The following SCNN1D variants were observed in gnomAD, a reference collection of about 807,000 sequenced individuals.
The protein encoded by SCNN1D is epithelial sodium channel subunit delta.
Under a neutral mutation model 87.8 loss-of-function variants are expected in SCNN1D, and 104 were observed. That is an observed-to-expected ratio of 1.18 (90% CI 1.01 to 1.39). The LOEUF (loss-of-function observed/expected upper bound fraction) is 1.39, where lower values mean the gene tolerates loss of function less well. Ranked by LOEUF, SCNN1D falls within the 40% of genes most tolerant of loss-of-function variation. The pLI is 0.00. For synonymous variants in SCNN1D, 628 were observed against 481.2 expected, an observed-to-expected ratio of 1.31 and a Z score of -3.99; for missense variants, 1,324 against 1,093.9, an observed-to-expected ratio of 1.21 and a Z score of -2.97.
rs751944031 is a variant in SCNN1D at position 1,286,936 on chromosome 1, G to A, written c.1080G>A (p.Leu360=). 1.2e-6 allele frequency: 2 copies of A among 1,612,362 alleles called. No homozygotes were observed. The highest frequency in any genetic ancestry group is 1.7e-6 in the Non-Finnish European group (2 of 1,179,840). Residue 360 remains leucine (L), a synonymous_variant, in exon 8 of 18, where the codon CTG becomes CTA. Coordinates refer to ENST00000379116, the MANE Select transcript of SCNN1D (RefSeq NM_001130413.4). ...ACCGGGAGATCCGTCTGCAGAGGCTGAGCCACTCGGGCAGCCGGGTCAGAG... is the reference window on the plus strand; with the variant it reads ...ACCGGGAGATCCGTCTGCAGAGGCTAAGCCACTCGGGCAGCCGGGTCAGAG... ...HLDREIRLQR[L]SHSGSRVRVG... is the part of the protein sequence containing the mutation.
rs1441481021 is a variant in SCNN1D, at chr1:1,288,378, CT to C, written c.1662+342del. Among the ~76,000 whole-genome samples the C allele has an allele frequency of 3.0e-4, 13 of 43,596 alleles. 3 individuals carry two copies. The highest frequency in any genetic ancestry group is 4.0e-4 in the Non-Finnish European group (11 of 27,638). 28.6% of individuals were successfully genotyped at this position (43,596 alleles called of 152,430 possible). On this transcript the variant is annotated intron_variant, in intron 12 of 17. Coordinates refer to ENST00000379116, the MANE Select transcript of SCNN1D (RefSeq NM_001130413.4). ...GTCTCTGCTCCGTCCCGTGTCCCTG[CT>C]CCGTCCCGTGTCCCTGCTCCGTCCC... is the stretch of plus-strand genomic sequence containing the variant.
At chr1:1,290,845 TGGCCG>T in intron 15 of SCNN1D, 45 bp from the exon 16 acceptor site, 1 of 1,600,352 alleles carries the variant, frequency 6.2e-7, no homozygotes, top group South Asian at 1.1e-5. Context: ...GTACCCAGGA[TGGCCG>T]GGGGCATGGG....
chr1:1,282,168 A>C, intron 3 of SCNN1D, 74 bp from the exon 4 acceptor site: 1 of 897,884 alleles, frequency 1.1e-6, no homozygotes, highest in South Asian at 1.5e-5. Flanking sequence ...TCTGGCACTC[A>C]AGGAAATCAG....
In SCNN1D at chr1:1,290,557, T is replaced by C. The variant is rs776779903; in HGVS notation, c.1859+2T>C. On this transcript the variant is annotated splice_donor_variant, in intron 14 of 17. Coordinates refer to ENST00000379116, the MANE Select transcript of SCNN1D (RefSeq NM_001130413.4). LOFTEE classifies it high-confidence loss of function. Reference sequence around the variant, plus strand: ...CTCCCGCTGCCCCAGGCCCTGCAGGTGAGACGGGGGTGTTGGGGTCGCGGC... The same window carrying C: ...CTCCCGCTGCCCCAGGCCCTGCAGGCGAGACGGGGGTGTTGGGGTCGCGGC... 2.7e-5 allele frequency: 43 copies of C among 1,612,416 alleles called. No homozygotes were observed. The highest frequency in any genetic ancestry group is 1.6e-4 in the Middle Eastern group (1 of 6,082).
At chr1:1,290,771 C>T in intron 15 of SCNN1D, 77 bp downstream of exon 15, 1 of 1,591,018 alleles carries the variant, frequency 6.3e-7, no homozygotes. Context: ...CCACCCAAGA[C>T]AAGGGCAGGG....
intron 4 of SCNN1D, among the ~76,000 whole-genome samples, chr1:1,282,837 C>G (rs1640499043): frequency 6.6e-6 from 1 of 151,684 alleles, no homozygotes; most frequent in Non-Finnish European, 1.5e-5. Context: ...ACTGCAAGCT[C>G]CGCCTCCTGG....
chr1:1,285,901 C>T, intron 6 of SCNN1D, 25 bp from the exon 7 acceptor site: 1 of 1,524,976 alleles, frequency 6.6e-7, no homozygotes, highest in African/African-American at 1.4e-5. Context: ...CAGGCCGGGC[C>T]CTGCTGAGGC....
At chr1:1,288,626 C>T (rs974505483) in intron 12 of SCNN1D, among the ~76,000 whole-genome samples, 1 of 20,732 alleles carries the variant, frequency 4.8e-5, no homozygotes, top group African/African-American at 3.8e-4. Context: ...TCTGCTCCGT[C>T]CCCCGTGTCT....
rs953359585 is a variant in SCNN1D, at chr1:1,291,776, C to T, written c.*166C>T. The T allele has an allele frequency of 1.9e-6, 1 of 519,820 alleles. No homozygotes were observed. Among genetic ancestry groups the T allele is most frequent in the East Asian group, 3.1e-5 (1 of 31,782 alleles). The allele number at this position is 519,820 out of a possible 1,614,324, so 32.2% of individuals were successfully genotyped here. ...ATGTCGGCGCCTCTGGTCAAACCAC[C>T]TACACTGCCTGGGGTGGGTCTCAAG... On this transcript the variant is annotated 3_prime_UTR_variant, in exon 18 of 18. Coordinates refer to ENST00000379116, the MANE Select transcript of SCNN1D (RefSeq NM_001130413.4).
At chr1:1,290,757 G>C in intron 15 of SCNN1D, 63 bp downstream of exon 15, 2 of 1,600,082 alleles carry the variant, frequency 1.2e-6, no homozygotes, top group Non-Finnish European at 1.7e-6. Context: ...AGGTCCCACA[G>C]AGCCCACCCA....
chr1:1,291,204 A>AG (rs1187649222), intron 17 of SCNN1D, 50 bp from the exon 18 acceptor site: 1 of 1,584,280 alleles, frequency 6.3e-7, no homozygotes, highest in Non-Finnish European at 8.6e-7. Context: ...CCTGCACAGA[A>AG]GGGGCACGGG....
In SCNN1D at chr1:1,288,010, G is replaced by A; in HGVS notation, c.1635G>A (p.Leu545=). 1 of 1,545,674 alleles carries A rather than the reference G, an allele frequency of 6.5e-7. No homozygotes were observed. Among genetic ancestry groups the A allele is most frequent in the Non-Finnish European group, 8.7e-7 (1 of 1,144,518 alleles). The change falls in exon 12 of 18, where the codon CTG becomes CTA. Residue 545 remains leucine (L), a synonymous_variant. Coordinates refer to ENST00000379116, the MANE Select transcript of SCNN1D (RefSeq NM_001130413.4). ...GCGGGGAAGGCGTGGAGGTGGAGCT[G>A]CTACACAACACCTCCTACACCAGGC... ...TAGGEGVEVE[L]LHNTSYTRQA...
Position 1,281,498 on chromosome 1 carries a change from G to A in SCNN1D, c.165G>A (p.Ala55=), listed in dbSNP as rs998792456. The change falls in exon 3 of 18, where the codon GCG becomes GCA. Residue 55 remains alanine (A), a synonymous_variant. Transcript: ENST00000379116. The part of the protein sequence containing the change: ...SPHPTPCTGP[A]RGWPRRGGGP... ...ACCCCACCCCCTGCACCGGGCCAGC[G>A]AGGGGATGGCCCAGAAGAGGGGGAG... 4.2e-5 allele frequency: 65 copies of A among 1,532,302 alleles called. No individual in the cohort carries two copies. Among genetic ancestry groups the A allele is most frequent in the Non-Finnish European group, 5.1e-5 (58 of 1,145,064 alleles). The allele number at this position is 1,532,302 out of a possible 1,614,324, so 94.9% of individuals were successfully genotyped here. A position where few individuals can be genotyped will look rare whatever the true frequency, so the allele number is the denominator to read the frequency against.
Position 1,290,488 on chromosome 1 carries a change from T to TA in SCNN1D, c.1793dup (p.Tyr598Ter). 1 of 1,612,692 alleles carries TA rather than the reference T, an allele frequency of 6.2e-7. No homozygotes were observed. Among genetic ancestry groups the TA allele is most frequent in the Non-Finnish European group, 8.5e-7 (1 of 1,179,912 alleles). Reference sequence around the variant, plus strand: ...GACCCCTCCCCAAGGACACTGCTTCTACCGCCTCTACCAGGACCTGGAGAC... The same window carrying TA: ...GACCCCTCCCCAAGGACACTGCTTCTAACCGCCTCTACCAGGACCTGGAGAC... ...ARHPAWGHCF[Y>*]RLYQDLETHR... is the part of the protein sequence containing the mutation. Residue 598 changes from tyrosine (Y) to a stop codon, truncating the protein, a stop_gained and frameshift_variant, in exon 14 of 18, where the codon TAC becomes TAAC. Transcript: ENST00000379116. LOFTEE classifies it high-confidence loss of function.
rs1182121800 is a variant in SCNN1D, at chr1:1,283,912, C to T, written c.352-66C>T. ...CCTTTTGGGTCCGGGGCAGGTGTGG[C>T]TGCCCTGGCTGGGTCCTCCCTCGCC... On this transcript the variant is annotated intron_variant, in intron 4 of 17. Coordinates refer to ENST00000379116, the MANE Select transcript of SCNN1D (RefSeq NM_001130413.4). 1.0e-5 allele frequency: 9 copies of T among 898,422 alleles called. 1 individual carries two copies. In the African/African-American group the frequency reaches 1.3e-4, roughly 13 times the overall value. The allele number at this position is 898,422 out of a possible 1,614,324, so 55.7% of individuals were successfully genotyped here. A position where few individuals can be genotyped will look rare whatever the true frequency, so the allele number is the denominator to read the frequency against.
At position 1,282,309 on chromosome 1, in the gene SCNN1D, C is replaced by G; in HGVS notation, c.345C>G (p.Ser115Arg). 1.3e-6 allele frequency: 2 copies of G among 1,550,158 alleles called. No homozygotes were observed. The highest frequency in any genetic ancestry group is 1.7e-6 in the Non-Finnish European group (2 of 1,146,820). The change falls in exon 4 of 18, where the codon AGC becomes AGG. Residue 115 changes from serine to arginine, a missense_variant. Physicochemically the swap from Ser to Arg is moderately radical, Grantham distance 110 (BLOSUM62 -1). Coordinates refer to ENST00000379116, the MANE Select transcript of SCNN1D (RefSeq NM_001130413.4). ...CGGTGGCAGCTGCTTCCTTCCAGAGCCGGCAGGCAGGTGACCTCACCCTCC... is the reference window on the plus strand; with the variant it reads ...CGGTGGCAGCTGCTTCCTTCCAGAGGCGGCAGGCAGGTGACCTCACCCTCC... ...TSPVAAASFQ[S>R]RQEARGSILL...
At position 1,284,044 on chromosome 1, in the gene SCNN1D, T is replaced by C. The variant is rs1313906782; in HGVS notation, c.418T>C (p.Trp140Arg). 1.9e-5 allele frequency: 25 copies of C among 1,335,154 alleles called. No homozygotes were observed. Among genetic ancestry groups the C allele is most frequent in the Non-Finnish European group, 2.3e-5 (24 of 1,048,488 alleles). 82.7% of individuals were successfully genotyped at this position (1,335,154 alleles called of 1,614,324 possible). ...CCCGCAATGGCTGAGCACCGAAGCA[T>C]GGACGGGAGAATGGAAGCAGCCACA... ...LPPQWLSTEA[W>R]TGEWKQPHGG... Residue 140 changes from tryptophan to arginine, a missense_variant, in exon 5 of 18, where the codon TGG (tryptophan) becomes CGG (arginine). Trp to Arg is a moderately radical substitution (Grantham distance 101). Coordinates refer to ENST00000379116, the MANE Select transcript of SCNN1D (RefSeq NM_001130413.4).
chr1:1,290,091 CCCGTGTCTCTGCTCCG>C (rs1557586169), intron 12 of SCNN1D, among the ~76,000 whole-genome samples, 164 bp from the exon 13 acceptor site: 1 of 130,498 alleles, frequency 7.7e-6, no homozygotes, highest in Non-Finnish European at 1.6e-5. Flanking sequence ...TCTGCTCCGT[CCCGTGTCTCTGCTCCG>C]TCCCGTGTCT....
rs375263136 is a variant in SCNN1D at position 1,288,013 on chromosome 1, A to G, written c.1638A>G (p.Leu546=). The change falls in exon 12 of 18, where the codon CTA becomes CTG. Residue 546 remains leucine (L), a synonymous_variant. Coordinates refer to ENST00000379116, the MANE Select transcript of SCNN1D (RefSeq NM_001130413.4). ...AGGEGVEVEL[L]HNTSYTRQAC... ...GGGAAGGCGTGGAGGTGGAGCTGCTACACAACACCTCCTACACCAGGCAGG... is the reference window on the plus strand; with the variant it reads ...GGGAAGGCGTGGAGGTGGAGCTGCTGCACAACACCTCCTACACCAGGCAGG... The G allele has an allele frequency of 1.4e-5, 21 of 1,540,070 alleles. No homozygotes were observed. In the African/African-American group the frequency reaches 2.6e-4, roughly 19 times the overall value.
Sources: gnomAD v4.1 joint callset for allele counts (sites outside exome capture counted in the v4.1 genomes callset) on GRCh38, gnomAD v4.1.1 for gene constraint, MANE v1.5 for transcripts, NCBI Gene and HGNC (gene_info 2026-07-23, HGNC 2026-07-21) for gene names.